The following CHSY3 variants were observed in gnomAD, a reference collection of about 807,000 sequenced individuals.
CHSY3 encodes N-acetylgalactosaminyl-proteoglycan 3-beta-glucuronosyltransferase 3.
CHSY3 carries 35 observed loss-of-function variants against 67.2 expected under a neutral mutation model. The ratio of observed to expected loss-of-function variants is 0.52; its 90% CI spans 0.40 to 0.69. The LOEUF is 0.69. CHSY3 is among the 30% of genes least tolerant of loss of function. The pLI is 0.00. For synonymous variants in CHSY3, 474 were observed against 434.7 expected (o/e 1.09, Z -1.12); for missense variants, 1,069 against 1,138.5 (o/e 0.94, Z 0.88).
chr5:130,010,808 C>T (rs1349452804), intron 2 of CHSY3, among the ~76,000 whole-genome samples: 1 of 152,074 alleles, frequency 6.6e-6, no homozygotes, highest in Non-Finnish European at 1.5e-5. Flanking sequence ...CACCAACCCA[C>T]AGAAACACAC....
At chr5:129,909,195 T>C (rs1760441687) in intron 2 of CHSY3, among the ~76,000 whole-genome samples, 1 of 152,122 alleles carries the variant, frequency 6.6e-6, no homozygotes, top group South Asian at 2.1e-4. Flanking sequence ...TAAAAGATAA[T>C]TTTAGTAAAA....
intron 2 of CHSY3, among the ~76,000 whole-genome samples, chr5:130,157,329 T>G (rs1209377452): frequency 1.3e-5 from 2 of 152,202 alleles, no homozygotes; most frequent in African/African-American, 4.8e-5. Context: ...TTTTGGTTAT[T>G]ATACCTTAAT....
intron 2 of CHSY3, among the ~76,000 whole-genome samples, chr5:129,915,814 A>T (rs1301773017): frequency 2.0e-5 from 3 of 152,190 alleles, no homozygotes; most frequent in Admixed American, 6.5e-5. Context: ...AAACCATAAA[A>T]ATACATGTTG....
chr5:129,972,611 G>T (rs566467843), intron 2 of CHSY3, among the ~76,000 whole-genome samples: 1 of 151,896 alleles, frequency 6.6e-6, no homozygotes, highest in East Asian at 1.9e-4. Flanking sequence ...CAGTGTGTGT[G>T]TGTGTGTATG....
At chr5:130,104,723 G>A (rs1284743015) in intron 2 of CHSY3, among the ~76,000 whole-genome samples, 1 of 151,732 alleles carries the variant, frequency 6.6e-6, no homozygotes, top group Non-Finnish European at 1.5e-5. Flanking sequence ...AATGTTTTTT[G>A]TTAATGAATA....
chr5:130,116,672 G>C (rs1767814359), intron 2 of CHSY3, among the ~76,000 whole-genome samples: 1 of 152,160 alleles, frequency 6.6e-6, no homozygotes, highest in Non-Finnish European at 1.5e-5. Flanking sequence ...CTACTTGTAT[G>C]GATGGATCTT....
chr5:130,166,635 G>A (rs1769755797), intron 2 of CHSY3, among the ~76,000 whole-genome samples: 1 of 152,128 alleles, frequency 6.6e-6, no homozygotes. Context: ...TCCCACAGCA[G>A]TGTTGTGCCC....
intron 2 of CHSY3, among the ~76,000 whole-genome samples, chr5:129,960,787 A>G (rs1349340587): frequency 1.3e-5 from 2 of 152,112 alleles, no homozygotes; most frequent in Non-Finnish European, 2.9e-5. Flanking sequence ...TGCAAAATTA[A>G]CAGATTTTTG....
chr5:130,153,292 A>G (rs1483493148), intron 2 of CHSY3, among the ~76,000 whole-genome samples: 1 of 151,734 alleles, frequency 6.6e-6, no homozygotes, highest in Non-Finnish European at 1.5e-5. Context: ...GAAAATTACC[A>G]TTCTTGAGAA....
chr5:129,954,601 T>A lies in CHSY3; in HGVS notation c.1086+46241T>A, dbSNP rs1762116544. On this transcript the variant is annotated intron_variant, in intron 2 of 2. Coordinates refer to ENST00000305031, the MANE Select transcript of CHSY3 (RefSeq NM_175856.5). ...ATGGCCATTTTCACAATATTGATTC[T>A]TCCTATCCATGAGCATGGAGTGTTT... 3.3e-5 allele frequency among the ~76,000 whole-genome samples: 5 copies of A among 152,276 alleles called. No individual in the cohort carries two copies. In the South Asian group the frequency reaches 1.0e-3, roughly 32 times the overall value.
At chr5:129,970,435 TAGATAGA>T (rs1762607272) in intron 2 of CHSY3, among the ~76,000 whole-genome samples, 2 of 149,410 alleles carry the variant, frequency 1.3e-5, no homozygotes, top group African/African-American at 5.1e-5. Context: ...GATAGATAGA[TAGATAGA>T]TAGATAGACA....
chr5:130,161,584 CATTTTGCA>C (rs1769545268), intron 2 of CHSY3, among the ~76,000 whole-genome samples: 2 of 152,186 alleles, frequency 1.3e-5, no homozygotes, highest in South Asian at 4.1e-4. Flanking sequence ...ATTGTGGTTA[CATTTTGCA>C]ATTTATTCAG....
Position 130,185,782 on chromosome 5 carries a change from T to C in CHSY3, c.2640T>C (p.Thr880=). Residue 880 remains threonine, a synonymous_variant, in exon 3 of 3, where the codon ACT becomes ACC. Coordinates refer to ENST00000305031, the MANE Select transcript of CHSY3 (RefSeq NM_175856.5). ...EKHLGVRYNR[T]LS ...ATTTAGGTGTCAGGTACAATCGAAC[T>C]CTCTCCTGACAGTCCAGGCAACACA... The C allele has an allele frequency of 6.3e-7, 1 of 1,594,574 alleles. No homozygotes were observed. The highest frequency in any genetic ancestry group is 8.6e-7 in the Non-Finnish European group (1 of 1,168,166).
At chr5:129,990,630 A>G (rs913772420) in intron 2 of CHSY3, among the ~76,000 whole-genome samples, 2 of 152,182 alleles carry the variant, frequency 1.3e-5, no homozygotes, top group Admixed American at 6.5e-5. Context: ...TAGCATTTTT[A>G]TCAGAGTTTG....
intron 2 of CHSY3, among the ~76,000 whole-genome samples, chr5:130,010,796 A>G (rs752161091): frequency 6.6e-6 from 1 of 152,154 alleles, no homozygotes; most frequent in Non-Finnish European, 1.5e-5. Context: ...AGGGGACATT[A>G]CCACCAACCC....
chr5:130,135,744 G>A (rs1042081741), intron 2 of CHSY3, among the ~76,000 whole-genome samples: 1 of 152,092 alleles, frequency 6.6e-6, no homozygotes, highest in Admixed American at 6.5e-5. Context: ...AACTCCGTGT[G>A]TCTCAGTGGG....
chr5:130,088,901 T>C (rs1383821119), intron 2 of CHSY3, among the ~76,000 whole-genome samples: 1 of 152,104 alleles, frequency 6.6e-6, no homozygotes, highest in African/African-American at 2.4e-5. Flanking sequence ...TAAATCATGC[T>C]GCTATAAAGA....
intron 2 of CHSY3, among the ~76,000 whole-genome samples, chr5:130,173,347 A>C (rs367631173): frequency 1.1e-3 from 163 of 152,292 alleles, no homozygotes; most frequent in African/African-American, 3.7e-3. Context: ...TGTAAAAAAA[A>C]ATACCCAGAG....
chr5:130,123,780 A>C (rs1768139239), intron 2 of CHSY3, among the ~76,000 whole-genome samples: 1 of 152,106 alleles, frequency 6.6e-6, no homozygotes, highest in Non-Finnish European at 1.5e-5. Flanking sequence ...AGTTCTGGCC[A>C]GGCGTAGTGG....
Sources: allele counts gnomAD v4.1 joint callset (sites outside exome capture counted in the v4.1 genomes callset), GRCh38; gene constraint gnomAD v4.1.1; transcripts MANE v1.5; gene names NCBI Gene and HGNC (gene_info 2026-07-23, HGNC 2026-07-21).